Variants in PSPC1 observed in about 807,000 individuals in gnomAD.
PSPC1 encodes the protein paraspeckle protein 1.
PSPC1 carries 14 observed loss-of-function variants against 51.6 expected under a neutral mutation model. The observed-to-expected ratio is 0.27, with a 90% CI of 0.18 to 0.42. The LOEUF (loss-of-function observed/expected upper bound fraction) is 0.42. PSPC1 is among the 10% of genes least tolerant of loss of function. The pLI, the probability that PSPC1 is intolerant of heterozygous loss-of-function variation, is 1.00. For missense variants in PSPC1, 406 were observed against 701.1 expected (o/e 0.58, Z 4.75); for synonymous variants, 193 against 231.9 (o/e 0.83, Z 1.53).
intron 2 of PSPC1, among the ~76,000 whole-genome samples, chr13:19,768,295 A>G (rs1888263759): frequency 1.3e-5 from 2 of 152,246 alleles, no homozygotes; most frequent in Admixed American, 1.3e-4. Context: ...AGGAAGATTT[A>G]TAATACAGAC....
chr13:19,738,116 A>T lies in PSPC1; in HGVS notation c.1052+3449T>A, dbSNP rs115900438. On this transcript the variant is annotated intron_variant, in intron 5 of 8. Transcript: ENST00000338910. ...TAAATAATTTTTTTAAATTAAAAAT[A>T]AAATACAGTATATGTATACATATTA... 9.4e-3 allele frequency among the ~76,000 whole-genome samples: 1,427 copies of T among 152,260 alleles called. 28 individuals carry two copies. The highest frequency in any genetic ancestry group is 0.032 in the African/African-American group (1,322 of 41,540).
intron 7 of PSPC1, among the ~76,000 whole-genome samples, chr13:19,706,479 A>G (rs1880684802): frequency 6.6e-6 from 1 of 152,166 alleles, no homozygotes; most frequent in South Asian, 2.1e-4. Context: ...AGCAACCGCA[A>G]CCAAATACAG....
intron 4 of PSPC1, among the ~76,000 whole-genome samples, chr13:19,742,199 G>A (rs373864224): frequency 1.4e-5 from 2 of 145,328 alleles, no homozygotes; most frequent in African/African-American, 2.5e-5. Context: ...GGTGGCTCAC[G>A]CCTTATAATC....
At chr13:19,697,344 T>C (rs1879381499) in intron 6 of PSPC1, among the ~76,000 whole-genome samples, 4 of 152,188 alleles carry the variant, frequency 2.6e-5, no homozygotes, top group Admixed American at 6.5e-5. Context: ...CAGAAGGATG[T>C]CTGTGGCTGC....
chr13:19,743,839 G>A (rs1258961404), intron 4 of PSPC1, among the ~76,000 whole-genome samples: 2 of 152,046 alleles, frequency 1.3e-5, no homozygotes, highest in Admixed American at 1.3e-4. Flanking sequence ...TTTAAGTAAT[G>A]GCTCACACCT....
intron 5 of PSPC1, among the ~76,000 whole-genome samples, chr13:19,730,976 A>AC (rs1884033430): frequency 6.9e-6 from 1 of 144,030 alleles, no homozygotes; most frequent in Non-Finnish European, 1.6e-5. Flanking sequence ...AAAAAAAAAA[A>AC]AAACAGAAAA....
intron 7 of PSPC1, among the ~76,000 whole-genome samples, chr13:19,677,373 TGTCATTTCCCCTCTTA>T (rs879579931): frequency 3.5e-4 from 53 of 152,310 alleles, no homozygotes; most frequent in South Asian, 1.7e-3. Flanking sequence ...AAGACCTCTA[TGTCATTTCCCCTCTTA>T]GTCATTTCCC....
At chr13:19,682,608 TGA>T (rs1877396820) in intron 6 of PSPC1, among the ~76,000 whole-genome samples, 1 of 151,154 alleles carries the variant, frequency 6.6e-6, no homozygotes, top group Admixed American at 6.6e-5. Flanking sequence ...AAAACCACAA[TGA>T]GATATATTCA....
intron 6 of PSPC1, among the ~76,000 whole-genome samples, chr13:19,727,613 C>A (rs768734931): frequency 6.6e-6 from 1 of 152,174 alleles, no homozygotes; most frequent in African/African-American, 2.4e-5. Flanking sequence ...AATGCTAGAA[C>A]TAAAATCTGT....
At chr13:19,761,458 G>A (rs942326451) in intron 2 of PSPC1, among the ~76,000 whole-genome samples, 2 of 152,240 alleles carry the variant, frequency 1.3e-5, no homozygotes, top group Non-Finnish European at 2.9e-5. Flanking sequence ...ATGCTTCAGA[G>A]AGAAAAAACT....
intron 5 of PSPC1, among the ~76,000 whole-genome samples, chr13:19,737,903 T>C (rs1291918500): frequency 6.6e-6 from 1 of 151,982 alleles, no homozygotes; most frequent in Admixed American, 6.6e-5. Context: ...CTAAGCAACA[T>C]AGCATAATCC....
At chr13:19,738,390 G>A (rs1885071335) in intron 5 of PSPC1, among the ~76,000 whole-genome samples, 1 of 152,010 alleles carries the variant, frequency 6.6e-6, no homozygotes, top group Non-Finnish European at 1.5e-5. Flanking sequence ...CCTGACATAT[G>A]GTGTAGTATT....
intron 6 of PSPC1, among the ~76,000 whole-genome samples, chr13:19,718,082 A>C (rs1401147914): frequency 6.6e-6 from 1 of 152,188 alleles, no homozygotes; most frequent in Non-Finnish European, 1.5e-5. Context: ...AAGGAAAAAA[A>C]TATACGTTTC....
downstream of PSPC1, among the ~76,000 whole-genome samples, chr13:19,702,048 C>A (rs1314964765): frequency 1.3e-5 from 2 of 152,128 alleles, no homozygotes; most frequent in South Asian, 2.1e-4. Flanking sequence ...ATGACTCTAG[C>A]CATTCTCAAG....
downstream of PSPC1, chr13:19,671,701 CAATGTA>C: frequency 1.4e-6 from 1 of 734,318 alleles, no homozygotes; most frequent in Non-Finnish European, 2.4e-6. Context: ...AATGATCTAA[CAATGTA>C]AATTGATAAG....
chr13:19,760,102 A>G (rs1161380460), intron 2 of PSPC1, among the ~76,000 whole-genome samples: 1 of 152,166 alleles, frequency 6.6e-6, no homozygotes. Context: ...GATACTTCTG[A>G]GACATTTTTC....
chr13:19,677,470 G>A (rs1041701261), intron 7 of PSPC1, among the ~76,000 whole-genome samples: 4 of 152,122 alleles, frequency 2.6e-5, no homozygotes, highest in African/African-American at 9.7e-5. Flanking sequence ...GGAGGGCAAG[G>A]CGAAGCTGAG....
At chr13:19,739,537 C>T (rs1366882869) in intron 5 of PSPC1, among the ~76,000 whole-genome samples, 9 of 151,956 alleles carry the variant, frequency 5.9e-5, no homozygotes, top group Admixed American at 1.3e-4. Flanking sequence ...CACCTGAGGA[C>T]GGGAGTTCAA....
At chr13:19,699,181 C>T (rs1879615469), downstream of PSPC1, among the ~76,000 whole-genome samples, 1 of 151,824 alleles carries the variant, frequency 6.6e-6, no homozygotes, top group African/African-American at 2.4e-5. Context: ...ATAGAAGACA[C>T]TACTTTTGAT....
Sources: allele counts gnomAD v4.1 joint callset (sites outside exome capture counted in the v4.1 genomes callset), GRCh38; gene constraint gnomAD v4.1.1; transcripts MANE v1.5; gene names NCBI Gene and HGNC (gene_info 2026-07-23, HGNC 2026-07-21).